The following SHLD3 variants were observed in gnomAD, a reference collection of about 807,000 sequenced individuals.
The protein encoded by SHLD3 is REV7-interacting novel NHEJ regulator 1.
A neutral mutation model predicts 21.4 loss-of-function variants in SHLD3; 15 were observed. That is an observed-to-expected ratio of 0.70 (90% CI 0.47 to 1.08). SHLD3 has a LOEUF of 1.08. Ranked by LOEUF, SHLD3 falls within the 50% of genes least tolerant of loss-of-function variation. The probability of loss-of-function intolerance (pLI) is 0.00; values close to 1 mark genes in which losing one functional copy is unlikely to be tolerated. For synonymous variants in SHLD3, 103 were observed against 97.2 expected, an observed-to-expected ratio of 1.06 and a Z score of -0.35; for missense variants, 273 against 286.1, an observed-to-expected ratio of 0.95 and a Z score of 0.33.
rs1423202719 is a variant in SHLD3 at position 65,630,212 on chromosome 5, G to A, written c.625G>A (p.Gly209Ser). Reference protein sequence around the residue: ...SCNATIQRHLGQIWVFCDIMY... With the variant: ...SCNATIQRHLSQIWVFCDIMY... ...TAATGCTACAATTCAGAGGCATTTA[G>A]GCCAAATATGGGTGTTCTGTGATAT... The change falls in exon 2 of 2, where the codon GGC (glycine) becomes AGC (serine). Residue 209 changes from glycine (G) to serine (S), a missense_variant. By Grantham distance (56) the Gly-to-Ser change is moderately conservative. Transcript: ENST00000510585. 6.5e-6 allele frequency: 10 copies of A among 1,535,900 alleles called. No homozygotes were observed. The East Asian group carries it at 2.4e-4, about 38-fold the overall frequency.
In SHLD3 at chr5:65,630,252, ATG is replaced by A; in HGVS notation, c.668_669del (p.Val223GlyfsTer5). On this transcript the variant is annotated frameshift_variant, in exon 2 of 2. Coordinates refer to ENST00000510585, the MANE Select transcript of SHLD3 (RefSeq NM_001365341.2). LOFTEE classifies it high-confidence loss of function. ...TTCTGTGATATTATGTATTGTGAAT[ATG>A]TGGGAAGTCTTCTTAAAGGAAGATT... is the stretch of plus-strand genomic sequence containing the variant. 6.5e-7 allele frequency: 1 copy of A among 1,535,754 alleles called. No homozygotes were observed. The highest frequency in any genetic ancestry group is 8.7e-7 in the Non-Finnish European group (1 of 1,146,710).
chr5:65,628,680 C>A (rs111708175), intron 1 of SHLD3, among the ~76,000 whole-genome samples: 4,284 of 151,522 alleles, frequency 0.028, 200 homozygotes, highest in African/African-American at 0.091. Context: ...CCATGTTGGC[C>A]AGGCTGGTCT....
At chr5:65,625,357 G>A in intron 1 of SHLD3, 1 of 422,484 alleles carries the variant, frequency 2.4e-6, no homozygotes, top group Non-Finnish European at 4.2e-6. Context: ...CGAGATTTTA[G>A]CCGCAGAAGC....
chr5:65,627,074 G>A (rs1397772456), intron 1 of SHLD3, among the ~76,000 whole-genome samples: 2 of 140,932 alleles, frequency 1.4e-5, no homozygotes, highest in African/African-American at 5.4e-5. Flanking sequence ...AGAGGCTGCA[G>A]TGAGCTGAGA....
At chr5:65,625,412 G>T in intron 1 of SHLD3, 1 of 381,296 alleles carries the variant, frequency 2.6e-6, no homozygotes, top group Non-Finnish European at 4.7e-6. Context: ...ATTACAGCGG[G>T]CATCCAAAGT....
chr5:65,630,070 A>G lies in SHLD3; in HGVS notation c.483A>G (p.Leu161=). 1 of 1,536,124 alleles carries G rather than the reference A, an allele frequency of 6.5e-7. No individual in the cohort carries two copies. Among genetic ancestry groups the G allele is most frequent in the Non-Finnish European group, 8.7e-7 (1 of 1,146,890 alleles). Residue 161 remains leucine (L), a synonymous_variant, in exon 2 of 2, where the codon TTA becomes TTG. Transcript: ENST00000510585. The part of the protein sequence containing the change: ...KLQDSLKALN[L]HSLYRARWTI... ...AAGATAGTTTAAAGGCACTAAATTT[A>G]CACTCACTTTATAGAGCAAGATGGA... is the stretch of plus-strand genomic sequence containing the variant.
rs1349045761 is a variant in SHLD3 at position 65,629,908 on chromosome 5, A to G, written c.321A>G (p.Thr107=). ...LKKQHLTWSH[T]LKEQTNSGNL... The stretch of plus-strand genomic sequence containing the variant: ...AGCAGCATTTAACCTGGTCACACAC[A>G]CTGAAGGAACAGACTAATTCTGGAA... The change falls in exon 2 of 2, where the codon ACA becomes ACG. Residue 107 remains threonine, a synonymous_variant. Transcript: ENST00000510585. The G allele has an allele frequency of 2.6e-6, 4 of 1,536,122 alleles. No homozygotes were observed. The highest frequency in any genetic ancestry group is 1.4e-5 in the African/African-American group (1 of 73,174).
In SHLD3 at chr5:65,630,418, G is replaced by T; in HGVS notation, c.*78G>T. ...GAAATAGATAAAATAATTTTTACAG[G>T]TTTTAAAATTTTTAATGACTTTTTA... On this transcript the variant is annotated 3_prime_UTR_variant, in exon 2 of 2. Transcript: ENST00000510585. 7.1e-7 allele frequency: 1 copy of T among 1,400,652 alleles called. No individual in the cohort carries two copies. Among genetic ancestry groups the T allele is most frequent in the Non-Finnish European group, 9.2e-7 (1 of 1,083,250 alleles). The allele number at this position is 1,400,652 out of a possible 1,614,324, so 86.8% of individuals were successfully genotyped here.
At chr5:65,627,131 C>CAAAGAAAAAAAAAAA (rs1755275539) in intron 1 of SHLD3, among the ~76,000 whole-genome samples, 1 of 32,552 alleles carries the variant, frequency 3.1e-5, no homozygotes. Context: ...GACCCTGTCT[C>CAAAGAAAAAAAAAAA]AAAAAAAAAA....
intron 1 of SHLD3, among the ~76,000 whole-genome samples, chr5:65,626,890 T>C (rs528445056): frequency 4.4e-4 from 67 of 151,966 alleles, no homozygotes; most frequent in Admixed American, 8.5e-4. Flanking sequence ...ACGCCTGTAA[T>C]AGCACTTTGG....
rs776633661 is a variant in SHLD3, at chr5:65,630,813, AAAC to A, written c.*477_*479del. ...TAATAACAATTGATAGGCTGTTTTC[AAAC>A]AACGATACAAAATGTATACTTTGCC... On this transcript the variant is annotated 3_prime_UTR_variant, in exon 2 of 2. Coordinates refer to ENST00000510585, the MANE Select transcript of SHLD3 (RefSeq NM_001365341.2). 17 of 380,832 alleles carry A rather than the reference AAAC, an allele frequency of 4.5e-5. No homozygotes were observed. The highest frequency in any genetic ancestry group is 6.1e-5 in the Non-Finnish European group (17 of 276,932). 23.6% of individuals were successfully genotyped at this position (380,832 alleles called of 1,614,324 possible).
chr5:65,630,420 T>C lies in SHLD3; in HGVS notation c.*80T>C. On this transcript the variant is annotated 3_prime_UTR_variant, in exon 2 of 2. Coordinates refer to ENST00000510585, the MANE Select transcript of SHLD3 (RefSeq NM_001365341.2). ...AATAGATAAAATAATTTTTACAGGT[T>C]TTAAAATTTTTAATGACTTTTTAGA... 1 of 1,404,344 alleles carries C rather than the reference T, an allele frequency of 7.1e-7. No individual in the cohort carries two copies. The highest frequency in any genetic ancestry group is 9.2e-7 in the Non-Finnish European group (1 of 1,085,456). 87.0% of individuals were successfully genotyped at this position (1,404,344 alleles called of 1,614,324 possible). A position where few individuals can be genotyped will look rare whatever the true frequency, so the allele number is the denominator to read the frequency against.
Position 65,629,525 on chromosome 5 carries a change from C to A in SHLD3, c.-63C>A. 1 of 1,454,146 alleles carries A rather than the reference C, an allele frequency of 6.9e-7. No individual in the cohort carries two copies. Among genetic ancestry groups the A allele is most frequent in the Non-Finnish European group, 9.0e-7 (1 of 1,109,570 alleles). 90.1% of individuals were successfully genotyped at this position (1,454,146 alleles called of 1,614,324 possible). A position where few individuals can be genotyped will look rare whatever the true frequency, so the allele number is the denominator to read the frequency against. On this transcript the variant is annotated 5_prime_UTR_variant, in exon 2 of 2. Transcript: ENST00000510585. ...AATCTTGCAATAATAAATTAACATT[C>A]TAGCTCTGAGGAGTTCAACTAAGAA...
rs550392934 is a variant in SHLD3 at position 65,627,393 on chromosome 5, G to T, written c.-120-2075G>T. 2.1e-3 allele frequency among the ~76,000 whole-genome samples: 319 copies of T among 152,076 alleles called. 1 individual carries two copies. The highest frequency in any genetic ancestry group is 0.011 in the South Asian group (52 of 4,820). On this transcript the variant is annotated intron_variant, in intron 1 of 1. Coordinates refer to ENST00000510585, the MANE Select transcript of SHLD3 (RefSeq NM_001365341.2). ...AGATAATATCTTGTTATTCTTGGTT[G>T]GGTGAGGTGGCTGATCACTTGAGAT...
intron 1 of SHLD3, among the ~76,000 whole-genome samples, chr5:65,628,773 T>C (rs777058426): frequency 6.6e-6 from 1 of 151,914 alleles, no homozygotes; most frequent in Non-Finnish European, 1.5e-5. Flanking sequence ...ACCTGGCAAA[T>C]CTACATAATT....
At chr5:65,628,534 G>A (rs961175756) in intron 1 of SHLD3, among the ~76,000 whole-genome samples, 1 of 150,550 alleles carries the variant, frequency 6.6e-6, no homozygotes, top group African/African-American at 2.4e-5. Flanking sequence ...ACGATGGCGC[G>A]ATCTCAGTTC....
At position 65,625,155 on chromosome 5, in the gene SHLD3, C is replaced by T. The variant is rs906305394; in HGVS notation, c.-121+49C>T. Reference sequence around the variant, plus strand: ...CCCCTTTTCTGTTTCCTTGCATTCCCTACTTATCGAAGCCTTTGCCATGTA... The same window carrying T: ...CCCCTTTTCTGTTTCCTTGCATTCCTTACTTATCGAAGCCTTTGCCATGTA... On this transcript the variant is annotated intron_variant, in intron 1 of 1. Transcript: ENST00000510585. 2.0e-6 allele frequency: 3 copies of T among 1,505,700 alleles called. No individual in the cohort carries two copies. The South Asian group carries it at 3.4e-5, about 17-fold the overall frequency. The allele number at this position is 1,505,700 out of a possible 1,614,324, so 93.3% of individuals were successfully genotyped here. A position where few individuals can be genotyped will look rare whatever the true frequency, so the allele number is the denominator to read the frequency against.
rs1403608744 is a variant in SHLD3 at position 65,630,128 on chromosome 5, CTG to C, written c.542_543del (p.Leu181ArgfsTer12). Reference protein sequence around the residue: ...IEHTICNSQTLEDIWTKLNQI... With the variant: ...IEHTICNSQTXEDIWTKLNQI... Reference sequence around the variant, plus strand: ...ACACACTATTTGTAACAGCCAAACTCTGGAAGACATTTGGACAAAACTCAATC... The same window carrying C: ...ACACACTATTTGTAACAGCCAAACTCGAAGACATTTGGACAAAACTCAATC... On this transcript the variant is annotated frameshift_variant, in exon 2 of 2. Transcript: ENST00000510585. LOFTEE classifies it high-confidence loss of function. 16 of 1,536,016 alleles carry C rather than the reference CTG, an allele frequency of 1.0e-5. No homozygotes were observed. The highest frequency in any genetic ancestry group is 1.4e-5 in the Non-Finnish European group (16 of 1,146,854).
chr5:65,628,862 C>T (rs1054627228), intron 1 of SHLD3, among the ~76,000 whole-genome samples: 6 of 151,136 alleles, frequency 4.0e-5, no homozygotes, highest in African/African-American at 1.2e-4. Flanking sequence ...CTTGCTCTAT[C>T]GCCCAGGCTG....
Sources: gnomAD v4.1 joint callset for allele counts (sites outside exome capture counted in the v4.1 genomes callset) on GRCh38, gnomAD v4.1.1 for gene constraint, MANE v1.5 for transcripts, NCBI Gene and HGNC (gene_info 2026-07-23, HGNC 2026-07-21) for gene names.